The following P2RY14 variants were observed in gnomAD, a reference collection of about 807,000 sequenced individuals.
The protein encoded by P2RY14 is purinergic receptor P2Y14.
P2RY14 carries 2 observed loss-of-function variants against 0.9 expected under a neutral mutation model. That is an observed-to-expected ratio of 2.16 (90% CI 0.88 to 6.79). The LOEUF (loss-of-function observed/expected upper bound fraction) is 6.79, where lower values mean the gene tolerates loss of function less well. Ranked by LOEUF, P2RY14 falls within the 30% of genes most tolerant of loss-of-function variation. The probability of loss-of-function intolerance (pLI) is 0.05; values close to 1 mark genes in which losing one functional copy is unlikely to be tolerated. For missense variants in P2RY14, 378 were observed against 400.1 expected, an observed-to-expected ratio of 0.94 and a Z score of 0.47; for synonymous variants, 158 against 147.2, an observed-to-expected ratio of 1.07 and a Z score of -0.53.
chr3:151,235,692 CAAATAAAT>C lies in P2RY14; in HGVS notation c.-132-16058_-132-16051del, dbSNP rs139535921. On this transcript the variant is annotated intron_variant, in intron 1 of 2. Coordinates refer to ENST00000309170, the MANE Select transcript of P2RY14 (RefSeq NM_014879.4). Reference sequence around the variant, plus strand: ...CTGGTAACAGAGCTAGACTCCATCTCAAATAAATAAATAAATAAATAAATAAATAAGTA... The same window carrying C: ...CTGGTAACAGAGCTAGACTCCATCTCAAATAAATAAATAAATAAATAAGTA... Among the ~76,000 whole-genome samples, 862 of 149,048 alleles carry C rather than the reference CAAATAAAT, an allele frequency of 5.8e-3. 9 individuals carry two copies. The highest frequency in any genetic ancestry group is 0.017 in the African/African-American group (695 of 40,266).
intron 2 of P2RY14, among the ~76,000 whole-genome samples, chr3:151,214,833 A>G (rs1296576298): frequency 6.6e-6 from 1 of 152,218 alleles, no homozygotes; most frequent in East Asian, 1.9e-4. Context: ...CTGTAAAAGC[A>G]GAATTAATGT....
At chr3:151,248,010 T>G (rs1736067325) in intron 1 of P2RY14, among the ~76,000 whole-genome samples, 1 of 139,868 alleles carries the variant, frequency 7.1e-6, no homozygotes. Flanking sequence ...CTGGAGTAGA[T>G]TCTAAGCATG....
chr3:151,272,110 G>T (rs1425703374), intron 1 of P2RY14, among the ~76,000 whole-genome samples: 1 of 152,210 alleles, frequency 6.6e-6, no homozygotes, highest in Admixed American at 6.5e-5. Flanking sequence ...GGTATAGGGT[G>T]CTTGAAAGAG....
chr3:151,217,570 T>A (rs755025359), intron 2 of P2RY14, among the ~76,000 whole-genome samples: 1 of 152,212 alleles, frequency 6.6e-6, no homozygotes, highest in African/African-American at 2.4e-5. Flanking sequence ...TTTGGCAGTT[T>A]TGATGCAATT....
chr3:151,215,034 CAG>C (rs1727920044), intron 2 of P2RY14, among the ~76,000 whole-genome samples: 1 of 151,842 alleles, frequency 6.6e-6, no homozygotes, highest in South Asian at 2.1e-4. Flanking sequence ...GACATGAAGA[CAG>C]TGTCTAACAA....
intron 1 of P2RY14, among the ~76,000 whole-genome samples, chr3:151,223,358 A>G (rs763142086): frequency 5.9e-5 from 9 of 152,300 alleles, no homozygotes; most frequent in Non-Finnish European, 1.3e-4. Context: ...TCAAAGAAAA[A>G]CAAATTGTTT....
At chr3:151,270,196 C>CGTGTCGTGTGTGTGTGT (rs1740640520) in intron 1 of P2RY14, 1 of 129,646 alleles carries the variant, frequency 7.7e-6, no homozygotes, top group African/African-American at 3.3e-5. Context: ...AGCAAGCTGT[C>CGTGTCGTGTGTGTGTGT]GTGTGTGTGT....
chr3:151,236,632 T>C (rs1347385906), intron 1 of P2RY14, among the ~76,000 whole-genome samples: 1 of 152,238 alleles, frequency 6.6e-6, no homozygotes, highest in Non-Finnish European at 1.5e-5. Flanking sequence ...CTTTCACTTT[T>C]CCTGTTTTAC....
intron 1 of P2RY14, among the ~76,000 whole-genome samples, chr3:151,232,566 AGAAAAT>A (rs1415891897): frequency 6.6e-6 from 1 of 152,262 alleles, no homozygotes; most frequent in Non-Finnish European, 1.5e-5. Flanking sequence ...GATTGGATAA[AGAAAAT>A]GTGGCACATA....
chr3:151,255,301 TCATGTGTGA>T (rs1244935665), intron 1 of P2RY14, among the ~76,000 whole-genome samples: 3 of 152,190 alleles, frequency 2.0e-5, no homozygotes, highest in Non-Finnish European at 4.4e-5. Context: ...TGGGTACCCT[TCATGTGTGA>T]CATGCAGTGT....
At chr3:151,237,490 C>T (rs1733151957) in intron 1 of P2RY14, among the ~76,000 whole-genome samples, 1 of 151,514 alleles carries the variant, frequency 6.6e-6, no homozygotes, top group African/African-American at 2.4e-5. Context: ...GCTGGGACTA[C>T]AGGTGCCCGC....
chr3:151,271,543 C>T (rs1333553700), intron 1 of P2RY14, among the ~76,000 whole-genome samples: 2 of 152,124 alleles, frequency 1.3e-5, no homozygotes, highest in African/African-American at 4.8e-5. Flanking sequence ...CATAGAAAGA[C>T]TTATATTAGA....
chr3:151,248,531 TATC>T (rs1237338986), intron 1 of P2RY14, among the ~76,000 whole-genome samples: 2 of 152,172 alleles, frequency 1.3e-5, no homozygotes, highest in East Asian at 3.8e-4. Context: ...TGGTCCACTT[TATC>T]ATACCAAATA....
chr3:151,221,270 T>C lies in P2RY14; in HGVS notation c.-132-1628A>G, dbSNP rs1277348438. ...TTATAAGGGAAGCAGAGCTTAAAAG[T>C]TCAGAAAATTTGCAGCCTGACAATG... On this transcript the variant is annotated intron_variant, in intron 1 of 2. Transcript: ENST00000309170. Among the ~76,000 whole-genome samples the C allele has an allele frequency of 3.3e-5, 5 of 152,254 alleles. No individual in the cohort carries two copies. The East Asian group carries it at 9.7e-4, about 29-fold the overall frequency.
chr3:151,260,059 C>T (rs1257394206), intron 1 of P2RY14, among the ~76,000 whole-genome samples: 1 of 152,154 alleles, frequency 6.6e-6, no homozygotes, highest in African/African-American at 2.4e-5. Flanking sequence ...CCACAGCATT[C>T]AGCTCACTGC....
chr3:151,271,023 A>T (rs954441153), intron 1 of P2RY14, among the ~76,000 whole-genome samples: 78 of 152,290 alleles, frequency 5.1e-4, no homozygotes, highest in Middle Eastern at 3.4e-3. Context: ...AAACCAAAAA[A>T]AAAAAAATCC....
At chr3:151,245,592 A>G (rs1309427455) in intron 1 of P2RY14, among the ~76,000 whole-genome samples, 1 of 150,640 alleles carries the variant, frequency 6.6e-6, no homozygotes, top group Non-Finnish European at 1.5e-5. Flanking sequence ...AAAACTCTCA[A>G]TAAATTAGGT....
intron 1 of P2RY14, among the ~76,000 whole-genome samples, chr3:151,249,372 G>T (rs960605537): frequency 1.3e-5 from 2 of 152,060 alleles, no homozygotes; most frequent in Non-Finnish European, 2.9e-5. Context: ...GAAATTAGTT[G>T]GAAAACCAAA....
chr3:151,240,554 A>G (rs1733868767), intron 1 of P2RY14, among the ~76,000 whole-genome samples: 1 of 152,222 alleles, frequency 6.6e-6, no homozygotes, highest in African/African-American at 2.4e-5. Flanking sequence ...GAAAGAGCTA[A>G]AAAACAAAAC....
Sources: allele counts gnomAD v4.1 joint callset (sites outside exome capture counted in the v4.1 genomes callset), GRCh38; gene constraint gnomAD v4.1.1; transcripts MANE v1.5; gene names NCBI Gene and HGNC (gene_info 2026-07-23, HGNC 2026-07-21).